The following PTPN13 variants were observed in gnomAD, a reference collection of about 807,000 sequenced individuals.
The protein encoded by PTPN13 is tyrosine-protein phosphatase non-receptor type 13.
A neutral mutation model predicts 284.0 loss-of-function variants in PTPN13; 191 were observed. The observed-to-expected ratio is 0.67, with a 90% CI of 0.60 to 0.76. The LOEUF is 0.76. PTPN13 is among the 30% of genes least tolerant of loss of function. The probability of loss-of-function intolerance (pLI) is 0.00; values close to 1 mark genes in which losing one functional copy is unlikely to be tolerated. For missense variants in PTPN13, 2,797 were observed against 2,939.9 expected (o/e 0.95, Z 1.12); for synonymous variants, 986 against 1,022.3 (o/e 0.96, Z 0.68).
intron 4 of PTPN13, among the ~76,000 whole-genome samples, chr4:86,688,743 CTACTT>C (rs1460013531): frequency 2.6e-5 from 4 of 152,122 alleles, no homozygotes; most frequent in African/African-American, 9.7e-5. Flanking sequence ...AAGAATTTCA[CTACTT>C]TACTTTATAT....
intron 35 of PTPN13, among the ~76,000 whole-genome samples, chr4:86,778,799 C>T (rs941138163): frequency 1.3e-5 from 2 of 151,726 alleles, no homozygotes; most frequent in Admixed American, 6.6e-5. Flanking sequence ...ATTTTTTTAA[C>T]GAGAAAAACA....
At chr4:86,721,471 C>G (rs1733640407) in intron 9 of PTPN13, among the ~76,000 whole-genome samples, 1 of 151,954 alleles carries the variant, frequency 6.6e-6, no homozygotes, top group African/African-American at 2.4e-5. Context: ...TAATATACTG[C>G]CATATAATGA....
intron 1 of PTPN13, among the ~76,000 whole-genome samples, chr4:86,603,802 A>G (rs1764517449): frequency 6.6e-6 from 1 of 152,124 alleles, no homozygotes; most frequent in African/African-American, 2.4e-5. Context: ...CACTCAGATG[A>G]TGCTAATAAA....
At chr4:86,751,321 A>G (rs1737359881) in intron 19 of PTPN13, among the ~76,000 whole-genome samples, 197 bp downstream of exon 19, 1 of 152,080 alleles carries the variant, frequency 6.6e-6, no homozygotes, top group Admixed American at 6.5e-5. Context: ...GGTACAGACT[A>G]TTAGCTTCTC....
chr4:86,734,125 A>G (rs1391961835), intron 12 of PTPN13, among the ~76,000 whole-genome samples, 178 bp from the exon 13 acceptor site: 1 of 152,176 alleles, frequency 6.6e-6, no homozygotes. Flanking sequence ...AGAGTGGGCC[A>G]TATTGCCTCC....
intron 20 of PTPN13, among the ~76,000 whole-genome samples, chr4:86,756,996 T>C (rs1738051358): frequency 6.6e-6 from 1 of 152,204 alleles, no homozygotes; most frequent in African/African-American, 2.4e-5. Flanking sequence ...CTTAGGAATA[T>C]GTTGAACGAA....
chr4:86,682,543 A>G (rs1729010013), intron 3 of PTPN13, among the ~76,000 whole-genome samples: 1 of 152,148 alleles, frequency 6.6e-6, no homozygotes, highest in South Asian at 2.1e-4. Context: ...TCATTACGTA[A>G]AACACAAAGG....
intron 9 of PTPN13, among the ~76,000 whole-genome samples, chr4:86,720,066 C>T (rs4693780): frequency 0.16 from 24,086 of 152,090 alleles, 2,166 homozygotes; most frequent in East Asian, 0.27. Context: ...AATTTGGAAC[C>T]TATGAGTAGT....
rs1721449703 is a variant in PTPN13 at position 86,623,122 on chromosome 4, A to G, written c.-5-12130A>G. Among the ~76,000 whole-genome samples, 5 of 152,186 alleles carry G rather than the reference A, an allele frequency of 3.3e-5. No homozygotes were observed. In the South Asian group the frequency reaches 1.0e-3, roughly 32 times the overall value. On this transcript the variant is annotated intron_variant, in intron 1 of 47. Transcript: ENST00000411767. ...TCTCAATGTTTTTATGTTGAGAACC[A>G]GGGAAGCTGATGGTGTAACTCATTC...
chr4:86,651,604 C>T lies in PTPN13; in HGVS notation c.115+16233C>T, dbSNP rs1277599819. ...TAGCAGAATTCAGCAGTGAAGCCATCAGGTCCTGGGCTTTTCTTTGATGGG... is the reference window on the plus strand; with the variant it reads ...TAGCAGAATTCAGCAGTGAAGCCATTAGGTCCTGGGCTTTTCTTTGATGGG... On this transcript the variant is annotated intron_variant, in intron 2 of 47. Transcript: ENST00000411767. 2.0e-5 allele frequency among the ~76,000 whole-genome samples: 3 copies of T among 152,142 alleles called. No homozygotes were observed. In the East Asian group the frequency reaches 5.8e-4, roughly 29 times the overall value.
rs150118677 is a variant in PTPN13, at chr4:86,666,691, G to A, written c.116-5674G>A. On this transcript the variant is annotated intron_variant, in intron 2 of 47. Transcript: ENST00000411767. ...CCAGAATGGGAGTGTACCAAATTTT[G>A]TAGGCAGGCTTGAGGAGGCGATATC... is the stretch of plus-strand genomic sequence containing the variant. 8.5e-5 allele frequency among the ~76,000 whole-genome samples: 13 copies of A among 152,316 alleles called. No homozygotes were observed. In the South Asian group the frequency reaches 2.7e-3, roughly 32 times the overall value.
At chr4:86,600,681 CTGTTT>C (rs1315636556) in intron 1 of PTPN13, among the ~76,000 whole-genome samples, 1 of 151,690 alleles carries the variant, frequency 6.6e-6, no homozygotes, top group Non-Finnish European at 1.5e-5. Flanking sequence ...AAGTTGTGTT[CTGTTT>C]TGTTTTTTGA....
At chr4:86,688,953 A>G (rs910519713) in intron 4 of PTPN13, 52 bp from the exon 5 acceptor site, 3 of 1,424,830 alleles carry the variant, frequency 2.1e-6, no homozygotes, top group Non-Finnish European at 2.9e-6. Flanking sequence ...GTCTCATTAG[A>G]AAAAATATTT....
chr4:86,651,433 T>C (rs553232349), intron 2 of PTPN13, among the ~76,000 whole-genome samples: 12 of 150,954 alleles, frequency 7.9e-5, no homozygotes, highest in Non-Finnish European at 1.0e-4. Context: ...TTCCCTCCCT[T>C]CCTTCCTTCC....
chr4:86,635,306 A>C lies in PTPN13; in HGVS notation c.50A>C (p.Gln17Pro). Residue 17 changes from glutamine (Q) to proline (P), a missense_variant, in exon 2 of 48, where the codon CAG becomes CCG. Coordinates refer to ENST00000411767, the MANE Select transcript of PTPN13 (RefSeq NM_080683.3). Reference sequence around the variant, plus strand: ...CTGGAGGTTCGGGGTGGACCACTTCAGGAGGAAGAAATATGGGCTGTATTA... The same window carrying C: ...CTGGAGGTTCGGGGTGGACCACTTCCGGAGGAAGAAATATGGGCTGTATTA... ...EALEVRGGPL[Q>P]EEEIWAVLNQ... 6.2e-7 allele frequency: 1 copy of C among 1,608,210 alleles called. No homozygotes were observed. Among genetic ancestry groups the C allele is most frequent in the East Asian group, 2.2e-5 (1 of 44,710 alleles).
intron 3 of PTPN13, among the ~76,000 whole-genome samples, chr4:86,680,064 G>A (rs775385035): frequency 6.6e-6 from 1 of 152,108 alleles, no homozygotes; most frequent in Non-Finnish European, 1.5e-5. Context: ...TTACCTTGTA[G>A]GGTCATTAGA....
intron 6 of PTPN13, among the ~76,000 whole-genome samples, chr4:86,694,397 A>C (rs1730365756): frequency 6.6e-6 from 1 of 151,880 alleles, no homozygotes; most frequent in Admixed American, 6.6e-5. Context: ...CCTGGCCAAC[A>C]TAGTGAAATC....
At chr4:86,740,324 G>A (rs543983610) in intron 15 of PTPN13, among the ~76,000 whole-genome samples, 9 of 152,266 alleles carry the variant, frequency 5.9e-5, no homozygotes, top group South Asian at 4.2e-4. Context: ...AAATCTAGGC[G>A]AAGGTTCCCA....
intron 37 of PTPN13, among the ~76,000 whole-genome samples, chr4:86,782,907 T>C (rs1487996158): frequency 6.6e-6 from 1 of 152,196 alleles, no homozygotes; most frequent in Non-Finnish European, 1.5e-5. Context: ...TGTGGTTTTC[T>C]TCCTGGTATG....
Sources: allele counts gnomAD v4.1 joint callset (sites outside exome capture counted in the v4.1 genomes callset), GRCh38; gene constraint gnomAD v4.1.1; transcripts MANE v1.5; gene names NCBI Gene and HGNC (gene_info 2026-07-23, HGNC 2026-07-21).